Variants in WDR43 observed in about 807,000 individuals in gnomAD.
The protein encoded by WDR43 is WD repeat-containing protein 43.
Under a neutral mutation model 91.4 loss-of-function variants are expected in WDR43, and 13 were observed. The observed-to-expected ratio is 0.14, with a 90% CI of 0.09 to 0.23. The LOEUF (loss-of-function observed/expected upper bound fraction) is 0.23. Among genes scored for constraint, WDR43 ranks in the 10% least tolerant of loss-of-function variants. The probability of loss-of-function intolerance (pLI) is 1.00; values close to 1 mark genes in which losing one functional copy is unlikely to be tolerated. For missense variants in WDR43, 780 were observed against 809.4 expected (o/e 0.96, Z 0.44); for synonymous variants, 331 against 287.9 (o/e 1.15, Z -1.51).
At chr2:28,940,636 C>T (rs964392944) in intron 14 of WDR43, among the ~76,000 whole-genome samples, 4 of 152,116 alleles carry the variant, frequency 2.6e-5, no homozygotes, top group Non-Finnish European at 5.9e-5. Flanking sequence ...CAAATGGCTT[C>T]CTTTAAAAAG....
chr2:28,894,961 CG>C, intron 1 of WDR43, 38 bp downstream of exon 1: 1 of 1,483,888 alleles, frequency 6.7e-7, no homozygotes, highest in African/African-American at 1.5e-5. Context: ...GGCGCCTTCC[CG>C]GGCTCGGCTT....
intron 5 of WDR43, among the ~76,000 whole-genome samples, chr2:28,915,460 A>G (rs2148185991): frequency 1.3e-5 from 2 of 152,334 alleles, no homozygotes; most frequent in Middle Eastern, 6.8e-3. Context: ...CCTCATACCT[A>G]GGAGTCTCCA....
At chr2:28,933,201 TAAAG>T (rs1671281220) in intron 11 of WDR43, among the ~76,000 whole-genome samples, 1 of 152,056 alleles carries the variant, frequency 6.6e-6, no homozygotes, top group African/African-American at 2.4e-5. Context: ...AATGGTAAAA[TAAAG>T]AGCAAGTTGG....
chr2:28,902,289 C>G (rs1389662634), intron 2 of WDR43, among the ~76,000 whole-genome samples, 165 bp downstream of exon 2: 2 of 152,050 alleles, frequency 1.3e-5, no homozygotes, highest in African/African-American at 4.8e-5. Context: ...TTGATAAAAG[C>G]TATAATAGTT....
At chr2:28,922,579 C>A (rs1205804590) in intron 6 of WDR43, among the ~76,000 whole-genome samples, 1 of 152,182 alleles carries the variant, frequency 6.6e-6, no homozygotes, top group Non-Finnish European at 1.5e-5. Flanking sequence ...CCTAGCCATA[C>A]AGGCAAAATG....
chr2:28,941,518 A>C lies in WDR43; in HGVS notation c.1678A>C (p.Lys560Gln). 1.2e-6 allele frequency: 2 copies of C among 1,613,746 alleles called. No individual in the cohort carries two copies. Among genetic ancestry groups the C allele is most frequent in the Non-Finnish European group, 1.7e-6 (2 of 1,179,810 alleles). The change falls in exon 15 of 18, where the codon AAA becomes CAA. Residue 560 changes from lysine (K) to glutamine (Q), a missense_variant. Lys to Gln is a moderately conservative substitution (Grantham distance 53, BLOSUM62 1). Coordinates refer to ENST00000407426, the MANE Select transcript of WDR43 (RefSeq NM_015131.3). ...TLYQLMESRV[K>Q]TFQKLSHLHG... ...CTACCAGTTAATGGAAAGCAGAGTC[A>C]AAACTTTTCAGAAACTTTCACACCT... is the stretch of plus-strand genomic sequence containing the variant.
In WDR43 at chr2:28,946,469, T is replaced by C; in HGVS notation, c.1824T>C (p.Ser608=). 1.1e-5 allele frequency: 17 copies of C among 1,612,056 alleles called. No homozygotes were observed. The highest frequency in any genetic ancestry group is 1.4e-5 in the Non-Finnish European group (16 of 1,179,088). The part of the protein sequence containing the change: ...VYEEESSEEE[S]DDEIADKDSE... Reference sequence around the variant, plus strand: ...TTACAGAGTCTTCTGAAGAGGAGTCTGATGATGAAATAGCAGATAAGGATT... The same window carrying C: ...TTACAGAGTCTTCTGAAGAGGAGTCCGATGATGAAATAGCAGATAAGGATT... The change falls in exon 17 of 18, where the codon TCT becomes TCC. Residue 608 remains serine, a synonymous_variant. Transcript: ENST00000407426.
intron 14 of WDR43, among the ~76,000 whole-genome samples, chr2:28,938,710 T>C (rs1352613646): frequency 1.3e-5 from 2 of 152,254 alleles, no homozygotes; most frequent in Admixed American, 6.5e-5. Context: ...CAGTCCCTTG[T>C]TCTCTGTCAC....
At chr2:28,929,799 C>G in intron 11 of WDR43, 89 bp downstream of exon 11, 1 of 1,338,136 alleles carries the variant, frequency 7.5e-7, no homozygotes, top group South Asian at 1.4e-5. Flanking sequence ...TGTGAGCCAT[C>G]ATGTTACAGA....
At chr2:28,912,831 A>G in intron 4 of WDR43, 121 bp downstream of exon 4, 1 of 1,334,540 alleles carries the variant, frequency 7.5e-7, no homozygotes, top group Non-Finnish European at 1.0e-6. Context: ...GGTACATCAA[A>G]TAGTTTAGTG....
chr2:28,936,048 T>C (rs1671332078), intron 12 of WDR43, among the ~76,000 whole-genome samples: 1 of 152,200 alleles, frequency 6.6e-6, no homozygotes, highest in African/African-American at 2.4e-5. Flanking sequence ...AATCACAGTT[T>C]GGTTGTTAAT....
rs757600835 is a variant in WDR43 at position 28,925,809 on chromosome 2, AAAG to A, written c.1086+657_1087-656del. On this transcript the variant is annotated intron_variant, in intron 8 of 17. Coordinates refer to ENST00000407426, the MANE Select transcript of WDR43 (RefSeq NM_015131.3). Reference sequence around the variant, plus strand: ...ATATGGTTTAATTAAAAAAATAAAAAAAGGAGAAAAGTGTTAAGCTGTAAACAT... The same window carrying A: ...ATATGGTTTAATTAAAAAAATAAAAAGAGAAAAGTGTTAAGCTGTAAACAT... Among the ~76,000 whole-genome samples, 17 of 152,292 alleles carry A rather than the reference AAAG, an allele frequency of 1.1e-4. No homozygotes were observed. In the South Asian group the frequency reaches 2.3e-3, roughly 20 times the overall value.
chr2:28,927,633 C>T lies in WDR43; in HGVS notation c.1238C>T (p.Ala413Val). The change falls in exon 10 of 18, where the codon GCA becomes GTA. Residue 413 changes from alanine to valine, a missense_variant. By Grantham distance (64) the Ala-to-Val change is moderately conservative. Transcript: ENST00000407426. ...VLVPGIPGHH[A>V]AIKPAPPQTE... ...GTGCCTGGGATTCCTGGTCATCATG[C>T]AGCTATCAAGCCCGCTCCTCCACAA... is the stretch of plus-strand genomic sequence containing the variant. 1 of 1,613,878 alleles carries T rather than the reference C, an allele frequency of 6.2e-7. No homozygotes were observed. Among genetic ancestry groups the T allele is most frequent in the Non-Finnish European group, 8.5e-7 (1 of 1,179,848 alleles).
chr2:28,934,300 A>C (rs1193545151), intron 11 of WDR43, among the ~76,000 whole-genome samples: 1 of 152,160 alleles, frequency 6.6e-6, no homozygotes, highest in African/African-American at 2.4e-5. Context: ...ATTTAAAGGG[A>C]CCCAAGGAGA....
At chr2:28,946,091 T>C (rs1671537890) in intron 16 of WDR43, among the ~76,000 whole-genome samples, 1 of 152,064 alleles carries the variant, frequency 6.6e-6, no homozygotes, top group African/African-American at 2.4e-5. Context: ...ATCCCAGCAC[T>C]TTGGGAGGCA....
chr2:28,943,359 C>T (rs558506688), intron 16 of WDR43, among the ~76,000 whole-genome samples: 4 of 152,056 alleles, frequency 2.6e-5, no homozygotes, highest in South Asian at 2.1e-4. Flanking sequence ...TCTTGTACAC[C>T]GTGGCCTCAA....
intron 10 of WDR43, 110 bp downstream of exon 10, chr2:28,927,810 G>T: frequency 7.3e-7 from 1 of 1,375,670 alleles, no homozygotes; most frequent in Non-Finnish European, 9.9e-7. Context: ...AATTTACTGA[G>T]ATTTCTCCTG....
chr2:28,938,513 TG>T (rs1671377441), intron 14 of WDR43, among the ~76,000 whole-genome samples: 1 of 152,234 alleles, frequency 6.6e-6, no homozygotes, highest in Admixed American at 6.5e-5. Context: ...TAATATGAGT[TG>T]GGTTCTTTGC....
chr2:28,946,517 T>C lies in WDR43; in HGVS notation c.1854+18T>C, dbSNP rs1365910651. ...ATTCTGAAGTGAGTGATTTGTTCCC[T>C]GTATATACATCGGCCTTTATATCCT... On this transcript the variant is annotated intron_variant, in intron 17 of 17. Transcript: ENST00000407426. 7 of 1,607,536 alleles carry C rather than the reference T, an allele frequency of 4.4e-6. No individual in the cohort carries two copies. Among genetic ancestry groups the C allele is most frequent in the Non-Finnish European group, 6.0e-6 (7 of 1,176,294 alleles).
Sources: gnomAD v4.1 joint callset for allele counts (sites outside exome capture counted in the v4.1 genomes callset) on GRCh38, gnomAD v4.1.1 for gene constraint, MANE v1.5 for transcripts, NCBI Gene and HGNC (gene_info 2026-07-23, HGNC 2026-07-21) for gene names.